UTS2: variants seen among roughly 807,000 people sequenced by gnomAD.
The protein encoded by UTS2 is urotensin 2.
UTS2 carries 10 observed loss-of-function variants against 12.6 expected under a neutral mutation model. The ratio of observed to expected loss-of-function variants is 0.80; its 90% confidence interval spans 0.49 to 1.35. UTS2 has a LOEUF of 1.35. UTS2 is among the 40% of genes most tolerant of loss of function. The pLI is 0.00. For missense variants in UTS2, 142 were observed against 143.2 expected, an observed-to-expected ratio of 0.99 and a Z score of 0.04; for synonymous variants, 52 against 50.0, an observed-to-expected ratio of 1.04 and a Z score of -0.17.
chr1:7,900,874 C>A, the UTS2 span, among the ~76,000 whole-genome samples: 1 of 152,060 alleles, frequency 6.6e-6, no homozygotes, highest in Non-Finnish European at 1.5e-5. Flanking sequence ...TCACAGAATA[C>A]CTAGGAGAAG....
chr1:7,852,939 G>C lies in UTS2; in HGVS notation c.65C>G (p.Pro22Arg), dbSNP rs1322827473. The change falls in exon 1 of 4, where the codon CCT becomes CGT. Residue 22 changes from proline to arginine, a missense_variant. Transcript: ENST00000361696. ...IGFLNPLLSL[P>R]LLDSREISFQ... ...GGATATTTCCCTGGAGTCAAGGAGA[G>C]GAAGAGATAAGAGAGGATTTAAGAA... 2 of 1,613,012 alleles carry C rather than the reference G, an allele frequency of 1.2e-6. No individual in the cohort carries two copies. Among genetic ancestry groups the C allele is most frequent in the Admixed American group, 3.3e-5 (2 of 59,866 alleles).
At chr1:7,853,289 G>T, upstream of UTS2, 4 of 1,613,868 alleles carry the variant, frequency 2.5e-6, no homozygotes, top group Non-Finnish European at 3.4e-6. Context: ...TATAAATCTG[G>T]CAAAAGAGGC....
At chr1:7,880,674 G>T in the UTS2 span, among the ~76,000 whole-genome samples, 2 of 152,090 alleles carry the variant, frequency 1.3e-5, no homozygotes, top group Non-Finnish European at 2.9e-5. Context: ...GTAATAAAAA[G>T]TCTTCTAAGA....
At chr1:7,900,323 T>C in the UTS2 span, among the ~76,000 whole-genome samples, 1 of 148,048 alleles carries the variant, frequency 6.8e-6, no homozygotes, top group Admixed American at 6.8e-5. Flanking sequence ...CACCCGAGCC[T>C]GGGAGGTGGA....
chr1:7,901,028 C>G, the UTS2 span, among the ~76,000 whole-genome samples: 2 of 152,186 alleles, frequency 1.3e-5, no homozygotes, highest in African/African-American at 4.8e-5. Context: ...TTCAATTTCC[C>G]TAATCATTTT....
At chr1:7,854,521 A>C (rs1578029461), upstream of UTS2, among the ~76,000 whole-genome samples, 1 of 16,832 alleles carries the variant, frequency 5.9e-5, no homozygotes, top group East Asian at 2.5e-3. Flanking sequence ...CAAAAAAAAA[A>C]AAAAAAAGAA....
chr1:7,877,886 A>T, the UTS2 span, among the ~76,000 whole-genome samples: 6 of 147,800 alleles, frequency 4.1e-5, no homozygotes, highest in East Asian at 2.0e-4. Context: ...AAAAAAAAAA[A>T]TTTGGTTGAA....
At chr1:7,848,280 TC>T (rs2097409927) in intron 3 of UTS2, among the ~76,000 whole-genome samples, 1 of 151,870 alleles carries the variant, frequency 6.6e-6, no homozygotes, top group Non-Finnish European at 1.5e-5. Context: ...AAACCTCGTC[TC>T]TACAAAAATT....
the UTS2 span, among the ~76,000 whole-genome samples, chr1:7,869,407 T>C: frequency 1.3e-5 from 2 of 152,218 alleles, no homozygotes; most frequent in African/African-American, 4.8e-5. Context: ...GCTCTGCGCA[T>C]GCCTCCCCAA....
chr1:7,867,621 A>T, the UTS2 span, among the ~76,000 whole-genome samples: 2 of 152,340 alleles, frequency 1.3e-5, no homozygotes, highest in Non-Finnish European at 2.9e-5. Flanking sequence ...TCACGCCTGT[A>T]ATCCCAGCAC....
At chr1:7,904,608 A>G in the UTS2 span, among the ~76,000 whole-genome samples, 4 of 152,162 alleles carry the variant, frequency 2.6e-5, no homozygotes, top group Admixed American at 2.6e-4. Context: ...ATGTGTTATT[A>G]AGACATGGAA....
At chr1:7,887,503 T>TA in the UTS2 span, among the ~76,000 whole-genome samples, 1 of 146,858 alleles carries the variant, frequency 6.8e-6, no homozygotes, top group Admixed American at 7.1e-5. Context: ...CTCACGCCTA[T>TA]AATCCTAGCC....
At chr1:7,853,123 C>CAA, upstream of UTS2, 1 of 1,391,326 alleles carries the variant, frequency 7.2e-7, no homozygotes, top group Middle Eastern at 2.0e-4. Context: ...ATCATCCTCT[C>CAA]CAAAAAAAAA....
At chr1:7,850,775 TAAATC>T (rs1259692532) in intron 2 of UTS2, 32 bp downstream of exon 2, 1 of 1,600,922 alleles carries the variant, frequency 6.2e-7, no homozygotes, top group Admixed American at 1.7e-5. Context: ...CAGTAGCAAT[TAAATC>T]AGACACGCTA....
the UTS2 span, among the ~76,000 whole-genome samples, chr1:7,888,349 C>T: frequency 6.6e-6 from 1 of 152,174 alleles, no homozygotes. Flanking sequence ...CTCAGACTGG[C>T]TCTGCCTGCA....
the UTS2 span, among the ~76,000 whole-genome samples, chr1:7,890,999 T>C: frequency 7.1e-6 from 1 of 141,008 alleles, no homozygotes; most frequent in East Asian, 2.0e-4. Context: ...ACAACCCAAA[T>C]GCCTGCTAAC....
At chr1:7,863,411 G>A in the UTS2 span, among the ~76,000 whole-genome samples, 9 of 152,204 alleles carry the variant, frequency 5.9e-5, no homozygotes, top group South Asian at 2.1e-4. Flanking sequence ...ACGCCTGGCC[G>A]ACAGCCGTTA....
chr1:7,886,128 C>T, the UTS2 span, among the ~76,000 whole-genome samples: 1 of 150,640 alleles, frequency 6.6e-6, no homozygotes, highest in East Asian at 1.9e-4. Flanking sequence ...ACTTTGACGT[C>T]GGGAAGGTCT....
upstream of UTS2, among the ~76,000 whole-genome samples, chr1:7,854,335 C>A (rs1289627799): frequency 7.8e-6 from 1 of 128,382 alleles, no homozygotes; most frequent in Non-Finnish European, 1.7e-5. Flanking sequence ...CAGAGCGAGA[C>A]TCTGTCTAAA....
Sources: allele counts gnomAD v4.1 joint callset (sites outside exome capture counted in the v4.1 genomes callset), GRCh38; gene constraint gnomAD v4.1.1; transcripts MANE v1.5; gene names NCBI Gene and HGNC (gene_info 2026-07-23, HGNC 2026-07-21).